Variants in SLC37A1 observed in about 807,000 individuals in gnomAD.
SLC37A1 encodes glucose-6-phosphate exchanger SLC37A1.
SLC37A1 carries 49 observed loss-of-function variants against 75.3 expected under a neutral mutation model. The ratio of observed to expected loss-of-function variants is 0.65; its 90% CI spans 0.52 to 0.83. The LOEUF is 0.83. Ranked by LOEUF, SLC37A1 falls within the 40% of genes least tolerant of loss-of-function variation. The pLI, the probability that SLC37A1 is intolerant of heterozygous loss-of-function variation, is 0.00. For missense variants in SLC37A1, 566 were observed against 695.0 expected, an observed-to-expected ratio of 0.81 and a Z score of 2.09; for synonymous variants, 268 against 292.1, an observed-to-expected ratio of 0.92 and a Z score of 0.84.
intron 10 of SLC37A1, among the ~76,000 whole-genome samples, chr21:42,557,852 C>G (rs1601743857): frequency 6.6e-6 from 1 of 151,964 alleles, no homozygotes; most frequent in Non-Finnish European, 1.5e-5. Flanking sequence ...ATAAGTACCA[C>G]AAAGCCTGTT....
chr21:42,527,283 G>T (rs2054820960), intron 3 of SLC37A1, among the ~76,000 whole-genome samples: 1 of 152,140 alleles, frequency 6.6e-6, no homozygotes, highest in African/African-American at 2.4e-5. Context: ...ATCTTTGTCA[G>T]GCCACAGCTG....
chr21:42,511,802 C>T (rs114356216), upstream of SLC37A1, among the ~76,000 whole-genome samples: 1,540 of 152,118 alleles, frequency 0.01, 21 homozygotes, highest in African/African-American at 0.036. Context: ...CAAAACAAAC[C>T]AACAAACAAA....
intron 10 of SLC37A1, among the ~76,000 whole-genome samples, chr21:42,557,595 C>A (rs2055724399): frequency 6.6e-6 from 1 of 152,248 alleles, no homozygotes; most frequent in Non-Finnish European, 1.5e-5. Context: ...AGAGTCCTAG[C>A]TGTGAAGCCG....
intron 9 of SLC37A1, 103 bp from the exon 10 acceptor site, chr21:42,553,959 A>G (rs951143040): frequency 2.4e-6 from 2 of 842,974 alleles, no homozygotes; most frequent in Non-Finnish European, 3.6e-6. Flanking sequence ...TCCTCTTGGT[A>G]GCTTTTTTGG....
intron 3 of SLC37A1, among the ~76,000 whole-genome samples, chr21:42,528,856 G>A (rs1015438885): frequency 6.6e-6 from 1 of 152,126 alleles, no homozygotes; most frequent in Non-Finnish European, 1.5e-5. Context: ...ATAATCCTCA[G>A]TGGCAGACAG....
rs559342189 is a variant in SLC37A1 at position 42,537,308 on chromosome 21, G to T, written c.350+1758G>T. Reference sequence around the variant, plus strand: ...GCTGGAGAGTGTGGTGTGTACCTGGGGCTTCCTTAGCGCTTGGGTCTCAGC... The same window carrying T: ...GCTGGAGAGTGTGGTGTGTACCTGGTGCTTCCTTAGCGCTTGGGTCTCAGC... On this transcript the variant is annotated intron_variant, in intron 5 of 19. Transcript: ENST00000352133. 4.1e-4 allele frequency among the ~76,000 whole-genome samples: 63 copies of T among 152,198 alleles called. 1 individual carries two copies. Among genetic ancestry groups the T allele is most frequent in the Non-Finnish European group, 1.2e-4 (8 of 68,026 alleles).
intron 2 of SLC37A1, among the ~76,000 whole-genome samples, chr21:42,508,190 G>A (rs61614130): frequency 6.3e-5 from 9 of 142,782 alleles, no homozygotes; most frequent in East Asian, 2.1e-4. Context: ...GTGCAATGGC[G>A]CAATCTCAGC....
chr21:42,560,851 A>G (rs1221576592), intron 11 of SLC37A1, among the ~76,000 whole-genome samples: 3 of 152,252 alleles, frequency 2.0e-5, no homozygotes, highest in Admixed American at 1.3e-4. Flanking sequence ...ACACTAGCAT[A>G]AAAATACAGG....
chr21:42,549,966 C>G (rs941753185), intron 9 of SLC37A1, among the ~76,000 whole-genome samples: 11 of 152,224 alleles, frequency 7.2e-5, no homozygotes, highest in Non-Finnish European at 1.2e-4. Flanking sequence ...CTGACTCTAT[C>G]AACGCCCCTT....
At chr21:42,517,673 C>A (rs2054549073) in intron 1 of SLC37A1, among the ~76,000 whole-genome samples, 1 of 152,218 alleles carries the variant, frequency 6.6e-6, no homozygotes, top group Non-Finnish European at 1.5e-5. Context: ...TCCTATATTG[C>A]TCTGCCTTCA....
chr21:42,524,215 T>A (rs550236852), intron 2 of SLC37A1, among the ~76,000 whole-genome samples: 1 of 152,178 alleles, frequency 6.6e-6, no homozygotes, highest in Admixed American at 6.5e-5. Context: ...TAGGGAGATG[T>A]GCCTAGGACA....
In SLC37A1 at chr21:42,580,397, A is replaced by ACC; in HGVS notation, c.*39_*40dup. 6.2e-7 allele frequency: 1 copy of ACC among 1,607,706 alleles called. No individual in the cohort carries two copies. Among genetic ancestry groups the ACC allele is most frequent in the Admixed American group, 1.7e-5 (1 of 59,492 alleles). ...AGTCCCGTGGAGGGGGTCTGGGCCC[A>ACC]CCCTTCACAACTGCCTTTCAAGGAC... On this transcript the variant is annotated 3_prime_UTR_variant, in exon 20 of 20. Coordinates refer to ENST00000352133, the MANE Select transcript of SLC37A1 (RefSeq NM_001320537.2).
chr21:42,518,047 T>A (rs995325998), intron 1 of SLC37A1, among the ~76,000 whole-genome samples: 1 of 152,356 alleles, frequency 6.6e-6, no homozygotes, highest in Admixed American at 6.5e-5. Flanking sequence ...AGAACATTAT[T>A]TGAAATTCAT....
chr21:42,569,562 C>G (rs549590465), intron 17 of SLC37A1, among the ~76,000 whole-genome samples: 1 of 142,892 alleles, frequency 7.0e-6, no homozygotes, highest in Non-Finnish European at 1.6e-5. Context: ...CGCACTCCCT[C>G]GTGCCTTGAG....
rs1195468008 is a variant in SLC37A1, at chr21:42,574,862, G to A, written c.1468G>A (p.Gly490Ser). Residue 490 changes from glycine (G) to serine (S), a missense_variant, in exon 18 of 20, where the codon GGC becomes AGC. Transcript: ENST00000352133. ...GCTGGCTGGGCTCCTCTCCCCGTCCGGCTGGAGCAATGTGTTTTACATGCT... is the reference window on the plus strand; with the variant it reads ...GCTGGCTGGGCTCCTCTCCCCGTCCAGCTGGAGCAATGTGTTTTACATGCT... ...PLLAGLLSPS[G>S]WSNVFYMLMF... 7 of 1,614,010 alleles carry A rather than the reference G, an allele frequency of 4.3e-6. No individual in the cohort carries two copies. The highest frequency in any genetic ancestry group is 1.3e-5 in the African/African-American group (1 of 74,918).
intron 2 of SLC37A1, among the ~76,000 whole-genome samples, chr21:42,505,589 T>C (rs907515183): frequency 1.3e-5 from 2 of 152,062 alleles, no homozygotes; most frequent in African/African-American, 4.8e-5. Flanking sequence ...CCCCTCAGAG[T>C]CAACCTAGAT....
chr21:42,559,456 C>G (rs1219660286), intron 11 of SLC37A1, among the ~76,000 whole-genome samples: 2 of 152,280 alleles, frequency 1.3e-5, no homozygotes, highest in Non-Finnish European at 2.9e-5. Context: ...CACCTGGCCC[C>G]TGTGGCCCGG....
At chr21:42,557,132 T>A (rs1259261396) in intron 10 of SLC37A1, among the ~76,000 whole-genome samples, 1 of 152,334 alleles carries the variant, frequency 6.6e-6, no homozygotes, top group Non-Finnish European at 1.5e-5. Flanking sequence ...GGTCAGAGGG[T>A]GCGCTTCTCC....
intron 17 of SLC37A1, among the ~76,000 whole-genome samples, chr21:42,568,699 C>T (rs921736282): frequency 3.9e-5 from 6 of 152,148 alleles, no homozygotes; most frequent in Admixed American, 1.3e-4. Context: ...AACTACAGCC[C>T]GTGGGCTAAC....
Sources: allele counts gnomAD v4.1 joint callset (sites outside exome capture counted in the v4.1 genomes callset), GRCh38; gene constraint gnomAD v4.1.1; transcripts MANE v1.5; gene names NCBI Gene and HGNC (gene_info 2026-07-23, HGNC 2026-07-21).